AFDN: variants seen among roughly 807,000 people sequenced by gnomAD.
AFDN encodes the protein afadin.
A neutral mutation model predicts 216.6 loss-of-function variants in AFDN; 68 were observed. The ratio of observed to expected loss-of-function variants is 0.31; its 90% CI spans 0.26 to 0.38. AFDN has a LOEUF of 0.38. Ranked by LOEUF, AFDN falls within the 10% of genes least tolerant of loss-of-function variation. The pLI, the probability that AFDN is intolerant of heterozygous loss-of-function variation, is 1.00. For synonymous variants in AFDN, 868 were observed against 853.7 expected (o/e 1.02, Z -0.29); for missense variants, 2,136 against 2,342.0 (o/e 0.91, Z 1.82).
intron 23 of AFDN, among the ~76,000 whole-genome samples, chr6:167,930,983 G>A (rs1007013805): frequency 8.6e-5 from 13 of 151,324 alleles, no homozygotes; most frequent in Admixed American, 1.3e-4. Context: ...ATGAGAGGTC[G>A]TGGAGGCTTA....
chr6:167,866,688 TC>T (rs1358084198), intron 2 of AFDN, among the ~76,000 whole-genome samples: 8 of 152,348 alleles, frequency 5.3e-5, no homozygotes, highest in African/African-American at 1.9e-4. Flanking sequence ...ATGTTGATTT[TC>T]AGAGAGTACT....
rs1466939497 is a variant in AFDN, at chr6:167,864,743, G to A, written c.298G>A (p.Gly100Arg). The change falls in exon 2 of 34, where the codon GGA becomes AGA. Residue 100 changes from glycine (G) to arginine (R), a missense_variant. Physicochemically the swap from Gly to Arg is moderately radical, Grantham distance 125. Coordinates refer to ENST00000683244, the MANE Select transcript of AFDN (RefSeq NM_001386888.1). ...KYSLYEVHVS[G>R]ERRLDIDEKP... ...TTCACTCTATGAAGTGCATGTCAGC[G>A]GAGGTCAGTGTATACAGGAAGGGTT... 3.1e-6 allele frequency: 5 copies of A among 1,614,026 alleles called. No homozygotes were observed. Among genetic ancestry groups the A allele is most frequent in the Admixed American group, 1.7e-5 (1 of 60,018 alleles).
At position 167,893,923 on chromosome 6, in the gene AFDN, T is replaced by C. The variant is rs1251080435; in HGVS notation, c.1222+17T>C. On this transcript the variant is annotated intron_variant, in intron 9 of 33. Coordinates refer to ENST00000683244, the MANE Select transcript of AFDN (RefSeq NM_001386888.1). Reference sequence around the variant, plus strand: ...CTTACGAAGGTAATGCTATGCTTACTACTACTTTTATAACTAAAGCACTAA... The same window carrying C: ...CTTACGAAGGTAATGCTATGCTTACCACTACTTTTATAACTAAAGCACTAA... 1.3e-6 allele frequency: 2 copies of C among 1,551,050 alleles called. No individual in the cohort carries two copies. Among genetic ancestry groups the C allele is most frequent in the Admixed American group, 1.8e-5 (1 of 54,160 alleles).
chr6:167,915,460 C>T (rs1790933908), intron 19 of AFDN, 27 bp downstream of exon 19: 1 of 1,583,204 alleles, frequency 6.3e-7, no homozygotes, highest in Non-Finnish European at 8.6e-7. Flanking sequence ...CTCCCCAGCT[C>T]ATGTGCTTTA....
At chr6:167,874,648 T>C (rs1367331473) in intron 4 of AFDN, among the ~76,000 whole-genome samples, 2 of 147,942 alleles carry the variant, frequency 1.4e-5, no homozygotes, top group Non-Finnish European at 3.0e-5. Context: ...GAAGTTTTGC[T>C]CTTGTTGCCC....
At position 167,875,348 on chromosome 6, in the gene AFDN, C is replaced by G. The variant is rs753667773; in HGVS notation, c.592C>G (p.Leu198Val). Residue 198 changes from leucine (L) to valine (V), a missense_variant, in exon 5 of 34, where the codon CTG (leucine) becomes GTG (valine). Physicochemically the swap from Leu to Val is conservative, Grantham distance 32. Coordinates refer to ENST00000683244, the MANE Select transcript of AFDN (RefSeq NM_001386888.1). ...FQGEDVENSR[L>V]AAEVYKDMPE... ...TTTTTCTTACAGTGAAAATTCTCGA[C>G]TGGCTGCTGAGGTTTACAAAGACAT... The G allele has an allele frequency of 1.9e-6, 3 of 1,603,768 alleles. No homozygotes were observed. In the African/African-American group the frequency reaches 4.0e-5, roughly 22 times the overall value.
chr6:167,861,675 C>CT (rs926417240), intron 1 of AFDN, among the ~76,000 whole-genome samples: 1 of 152,184 alleles, frequency 6.6e-6, no homozygotes, highest in East Asian at 1.9e-4. Context: ...ATTCTGGATT[C>CT]TTTCCTTTGT....
At chr6:167,829,546 T>C (rs1268659331) in intron 1 of AFDN, among the ~76,000 whole-genome samples, 2 of 152,174 alleles carry the variant, frequency 1.3e-5, no homozygotes, top group East Asian at 1.9e-4. Context: ...CTGGTCCTTA[T>C]CAGATGTTCA....
intron 1 of AFDN, among the ~76,000 whole-genome samples, chr6:167,836,958 G>A (rs1453247951): frequency 1.3e-5 from 2 of 152,246 alleles, no homozygotes; most frequent in Middle Eastern, 3.4e-3. Context: ...TTATGACCTC[G>A]AATATTTAAA....
intron 1 of AFDN, among the ~76,000 whole-genome samples, chr6:167,858,821 T>C (rs1454617386): frequency 6.6e-6 from 1 of 152,166 alleles, no homozygotes; most frequent in Non-Finnish European, 1.5e-5. Context: ...TACTTTACTG[T>C]GCTCATTTTA....
chr6:167,969,702 C>T, intron 33 of AFDN, 80 bp from the exon 34 acceptor site: 3 of 1,353,468 alleles, frequency 2.2e-6, no homozygotes, highest in Non-Finnish European at 3.0e-6. Context: ...ATTTTAATCG[C>T]CCATTTTGCA....
intron 1 of AFDN, among the ~76,000 whole-genome samples, chr6:167,856,883 A>G (rs1782958341): frequency 6.6e-6 from 1 of 152,064 alleles, no homozygotes; most frequent in Non-Finnish European, 1.5e-5. Flanking sequence ...CATAAAAAGG[A>G]CTATTTTTGA....
chr6:167,897,212 G>A (rs1788371225), intron 10 of AFDN, among the ~76,000 whole-genome samples: 1 of 152,174 alleles, frequency 6.6e-6, no homozygotes, highest in African/African-American at 2.4e-5. Context: ...CTCTGAAACT[G>A]CTTCCTTTTC....
intron 5 of AFDN, among the ~76,000 whole-genome samples, chr6:167,876,467 A>G (rs889826881): frequency 6.6e-6 from 1 of 152,260 alleles, no homozygotes; most frequent in African/African-American, 2.4e-5. Flanking sequence ...GAAAGAAAAT[A>G]CAAAGAAGAA....
rs749727628 is a variant in AFDN, at chr6:167,948,372, C to G, written c.3725C>G (p.Ala1242Gly). 3.7e-6 allele frequency: 6 copies of G among 1,614,170 alleles called. No individual in the cohort carries two copies. The highest frequency in any genetic ancestry group is 5.1e-6 in the Non-Finnish European group (6 of 1,180,026). Residue 1242 changes from alanine (A) to glycine (G), a missense_variant, in exon 29 of 34, where the codon GCT (alanine) becomes GGT (glycine). This residue lies in a region of AFDN where 981 missense variants were observed against 966.0 expected (regional missense o/e 1.02). Coordinates refer to ENST00000683244, the MANE Select transcript of AFDN (RefSeq NM_001386888.1). ...ACCAGAGAGTATTTTACCTTCCCAG[C>G]TTCCAAATCCCAGGATCGGATGGCT... is the stretch of plus-strand genomic sequence containing the variant. ...TYTREYFTFP[A>G]SKSQDRMAPP... is the part of the protein sequence containing the mutation.
intron 9 of AFDN, among the ~76,000 whole-genome samples, chr6:167,895,198 C>T (rs2300803): frequency 0.3 from 45,654 of 151,330 alleles, 7,909 homozygotes; most frequent in East Asian, 0.6. Context: ...TCATACGATA[C>T]GGTTAGTGGT....
At position 167,949,278 on chromosome 6, in the gene AFDN, C is replaced by T. The variant is rs190721935; in HGVS notation, c.3831+800C>T. Among the ~76,000 whole-genome samples the T allele has an allele frequency of 2.4e-3, 360 of 152,232 alleles. 2 individuals are homozygous for T. Among genetic ancestry groups the T allele is most frequent in the African/African-American group, 3.4e-3 (143 of 41,534 alleles). ...ACAAATACATGCCCTGGATCGCAGA[C>T]GCTCTAGGAATTCTGAAGATTAGCA... On this transcript the variant is annotated intron_variant, in intron 29 of 33. Coordinates refer to ENST00000683244, the MANE Select transcript of AFDN (RefSeq NM_001386888.1).
Position 167,897,444 on chromosome 6 carries a change from A to G in AFDN, c.1317+472A>G, listed in dbSNP as rs76892258. ...TTGTCACTTCTTTGAAGTTGAATTC[A>G]GGCGAATCACCCTTGCTCTGTACTT... On this transcript the variant is annotated intron_variant, in intron 10 of 33. Coordinates refer to ENST00000683244, the MANE Select transcript of AFDN (RefSeq NM_001386888.1). 7.2e-3 allele frequency among the ~76,000 whole-genome samples: 1,098 copies of G among 152,314 alleles called. 70 individuals are homozygous for G. The East Asian group carries it at 0.15, about 21-fold the overall frequency.
At chr6:167,918,093 C>T (rs1233075698) in intron 20 of AFDN, among the ~76,000 whole-genome samples, 2 of 152,040 alleles carry the variant, frequency 1.3e-5, no homozygotes, top group African/African-American at 2.4e-5. Context: ...ACTCAGGTGG[C>T]GATGTTCTCT....
Sources: gnomAD v4.1 joint callset for allele counts (sites outside exome capture counted in the v4.1 genomes callset) on GRCh38, gnomAD v4.1.1 for gene constraint, gnomAD v4.1.1 regional missense constraint, MANE v1.5 for transcripts, NCBI Gene and HGNC (gene_info 2026-07-23, HGNC 2026-07-21) for gene names.